The following DRAXIN variants were observed in gnomAD, a reference collection of about 807,000 sequenced individuals.
DRAXIN encodes the protein dorsal inhibitory axon guidance protein.
Under a neutral mutation model 33.9 loss-of-function variants are expected in DRAXIN, and 27 were observed. The ratio of observed to expected loss-of-function variants is 0.80; its 90% confidence interval spans 0.59 to 1.10. The LOEUF is 1.10. Among genes scored for constraint, DRAXIN ranks in the 50% least tolerant of loss-of-function variants. The pLI, the probability that DRAXIN is intolerant of heterozygous loss-of-function variation, is 0.00. For synonymous variants in DRAXIN, 178 were observed against 194.0 expected, an observed-to-expected ratio of 0.92 and a Z score of 0.69; for missense variants, 371 against 460.8, an observed-to-expected ratio of 0.81 and a Z score of 1.78.
At chr1:11,699,685 G>C (rs989055480) in intron 1 of DRAXIN, among the ~76,000 whole-genome samples, 1 of 152,070 alleles carries the variant, frequency 6.6e-6, no homozygotes, top group African/African-American at 2.4e-5. Flanking sequence ...CCAGCACTTT[G>C]GGAGGTCAAG....
In DRAXIN at chr1:11,709,372, C is replaced by A. The variant is rs1024019016; in HGVS notation, c.549C>A (p.Ser183Arg). The A allele has an allele frequency of 1.2e-6, 2 of 1,614,034 alleles. No individual in the cohort carries two copies. The highest frequency in any genetic ancestry group is 3.3e-5 in the Admixed American group (2 of 60,000). Residue 183 changes from serine (S) to arginine (R), a missense_variant, in exon 3 of 7, where the codon AGC (serine) becomes AGA (arginine). Physicochemically the swap from Ser to Arg is moderately radical, Grantham distance 110 (BLOSUM62 -1). Coordinates refer to ENST00000294485, the MANE Select transcript of DRAXIN (RefSeq NM_198545.4). ...CAGCCATGGAGGAATCCTCCACCAG[C>A]CTGGCGCCCACCATGTTCTTTCTCA... The part of the protein sequence containing the change: ...LDAAMEESST[S>R]LAPTMFFLTT...
intron 3 of DRAXIN, among the ~76,000 whole-genome samples, chr1:11,711,020 G>T (rs1296003366): frequency 6.6e-6 from 1 of 151,976 alleles, no homozygotes; most frequent in East Asian, 1.9e-4. Flanking sequence ...AGGTGCAGTG[G>T]GTGGCTCACG....
chr1:11,707,512 C>G lies in DRAXIN; in HGVS notation c.451+803C>G, dbSNP rs890310467. 1.3e-5 allele frequency among the ~76,000 whole-genome samples: 2 copies of G among 152,198 alleles called. 1 individual carries two copies. The highest frequency in any genetic ancestry group is 1.3e-4 in the Admixed American group (2 of 15,276). On this transcript the variant is annotated intron_variant, in intron 2 of 6. Transcript: ENST00000294485. ...GGAGACTGGTCCCATCCCATCTACC[C>G]TCAGTGTCGTTGCAGAGACTTGGTT...
In DRAXIN at chr1:11,706,531, AGAGGCTGAGGGGCTGCTGCCT is replaced by A. The variant is rs781676076; in HGVS notation, c.277_297del (p.Ala93_Glu99del). The A allele has an allele frequency of 1.9e-5, 31 of 1,611,900 alleles. No homozygotes were observed. The highest frequency in any genetic ancestry group is 2.3e-5 in the Non-Finnish European group (27 of 1,179,356). ...CCACCAGGCAGGCCTCCAGGCTGCC[AGAGGCTGAGGGGCTGCTGCCT>A]GAGCAGAGTCCTGCAGGCCTGCTGC... On this transcript the variant is annotated inframe_deletion, in exon 2 of 7. Transcript: ENST00000294485. The surrounding 1 kb of genome is among the most constrained non-coding windows in gnomAD (Gnocchi z 5.5).
At chr1:11,707,065 A>G (rs4845873) in intron 2 of DRAXIN, among the ~76,000 whole-genome samples, 114,077 of 152,072 alleles carry the variant, frequency 0.75, 43,822 homozygotes, top group African/African-American at 0.93. Context: ...GCCGGGCGCG[A>G]TGGTGGGCGC....
chr1:11,710,758 C>CAAAAA (rs1222886420), intron 3 of DRAXIN, among the ~76,000 whole-genome samples: 1 of 105,264 alleles, frequency 9.5e-6, no homozygotes, highest in Non-Finnish European at 2.0e-5. Context: ...ACTAAAAATA[C>CAAAAA]AAAAAAAAAA....
At chr1:11,712,546 A>C in intron 5 of DRAXIN, 117 bp downstream of exon 5, 1 of 961,716 alleles carries the variant, frequency 1.0e-6, no homozygotes, top group Non-Finnish European at 1.6e-6. Flanking sequence ...CATGGATGAT[A>C]AATAATAACA....
At chr1:11,688,626 CT>C (rs1641005153), upstream of DRAXIN, among the ~76,000 whole-genome samples, 1 of 152,128 alleles carries the variant, frequency 6.6e-6, no homozygotes, top group African/African-American at 2.4e-5. The surrounding 1 kb of genome is among the most constrained non-coding windows in gnomAD (Gnocchi z 4.6). Context: ...TGTCTCTGCT[CT>C]GCTCATGGTC....
rs1641348444 is a variant in DRAXIN, at chr1:11,704,463, C to T, written c.-10-1786C>T. ...TGAGTGACAGGCCTTTAAAATGGGC[C>T]CCTCCTCCCCCTGGGCTGCCTCAGG... On this transcript the variant is annotated intron_variant, in intron 1 of 6. Coordinates refer to ENST00000294485, the MANE Select transcript of DRAXIN (RefSeq NM_198545.4). The surrounding 1 kb of genome is among the most constrained non-coding windows in gnomAD (Gnocchi z 4.6). Among the ~76,000 whole-genome samples the T allele has an allele frequency of 6.6e-6, 1 of 152,202 alleles. No homozygotes were observed.
intron 3 of DRAXIN, among the ~76,000 whole-genome samples, chr1:11,711,439 G>A (rs76651564): frequency 0.01 from 1,562 of 152,310 alleles, 18 homozygotes; most frequent in Non-Finnish European, 0.016. Context: ...ATGGTGCCAC[G>A]GATTGCTGGT....
upstream of DRAXIN, among the ~76,000 whole-genome samples, chr1:11,689,888 A>G (rs774810727): frequency 2.0e-5 from 3 of 151,306 alleles, no homozygotes; most frequent in Middle Eastern, 3.4e-3. Flanking sequence ...ATGTCACCTC[A>G]CTCTGTTCCA....
chr1:11,707,167 C>G (rs1475660696), intron 2 of DRAXIN, among the ~76,000 whole-genome samples: 5 of 152,330 alleles, frequency 3.3e-5, no homozygotes, highest in Non-Finnish European at 2.9e-5. Flanking sequence ...CGCCACTGCA[C>G]TCCAGCCTGG....
In DRAXIN at chr1:11,706,154, A is replaced by G; in HGVS notation, c.-10-95A>G. The G allele has an allele frequency of 3.3e-6, 4 of 1,203,730 alleles. No individual in the cohort carries two copies. The highest frequency in any genetic ancestry group is 4.5e-6 in the Non-Finnish European group (4 of 882,748). 74.6% of individuals were successfully genotyped at this position (1,203,730 alleles called of 1,614,324 possible). A position where few individuals can be genotyped will look rare whatever the true frequency, so the allele number is the denominator to read the frequency against. On this transcript the variant is annotated intron_variant, in intron 1 of 6. Coordinates refer to ENST00000294485, the MANE Select transcript of DRAXIN (RefSeq NM_198545.4). The surrounding 1 kb of genome is among the most constrained non-coding windows in gnomAD (Gnocchi z 5.5). ...GTCACTGGGAGCAAAATGTCCCTCTATGGCTGTTGAGAAAAACTGGGCTTT... is the reference window on the plus strand; with the variant it reads ...GTCACTGGGAGCAAAATGTCCCTCTGTGGCTGTTGAGAAAAACTGGGCTTT...
chr1:11,718,017 A>AAAAAAAAAG (rs1557694214), intron 6 of DRAXIN, among the ~76,000 whole-genome samples: 4 of 139,978 alleles, frequency 2.9e-5, no homozygotes, highest in African/African-American at 5.2e-5. Context: ...AAAAAAAAAA[A>AAAAAAAAAG]GGGAGGCCCG....
rs990452192 is a variant in DRAXIN at position 11,725,595 on chromosome 1, A to G, written c.*5899A>G. On this transcript the variant is annotated 3_prime_UTR_variant, in exon 7 of 7. Coordinates refer to ENST00000294485, the MANE Select transcript of DRAXIN (RefSeq NM_198545.4). Reference sequence around the variant, plus strand: ...CTGTTTTGCGTAGCTAATTACCAGCAATGACAAACTCCCAGGCTCTGAGGC... The same window carrying G: ...CTGTTTTGCGTAGCTAATTACCAGCGATGACAAACTCCCAGGCTCTGAGGC... 1.3e-5 allele frequency: 2 copies of G among 152,230 alleles called. No individual in the cohort carries two copies. The highest frequency in any genetic ancestry group is 2.9e-5 in the Non-Finnish European group (2 of 68,052). 9.4% of individuals were successfully genotyped at this position (152,230 alleles called of 1,614,324 possible). A position where few individuals can be genotyped will look rare whatever the true frequency, so the allele number is the denominator to read the frequency against.
At chr1:11,717,810 CTG>C (rs1221633346) in intron 6 of DRAXIN, among the ~76,000 whole-genome samples, 13 of 132,374 alleles carry the variant, frequency 9.8e-5, no homozygotes, top group African/African-American at 3.6e-4. Context: ...TAGAGAGACA[CTG>C]TCTCTACCAA....
chr1:11,711,845 C>A lies in DRAXIN; in HGVS notation c.643-6C>A. On this transcript the variant is annotated splice_region_variant and splice_polypyrimidine_tract_variant and intron_variant, in intron 3 of 6. Transcript: ENST00000294485. ...TTCCAACATCCCCCTTCTCCACGGT[C>A]TCCAGCAGGCACAGCCCAGGTCTGA... 2 of 1,610,646 alleles carry A rather than the reference C, an allele frequency of 1.2e-6. No homozygotes were observed. The highest frequency in any genetic ancestry group is 2.2e-5 in the East Asian group (1 of 44,824).
In DRAXIN at chr1:11,705,618, C is replaced by T. The variant is rs1641366156; in HGVS notation, c.-10-631C>T. 6.6e-6 allele frequency among the ~76,000 whole-genome samples: 1 copy of T among 152,096 alleles called. No homozygotes were observed. The highest frequency in any genetic ancestry group is 1.5e-5 in the Non-Finnish European group (1 of 68,014). ...GCTCAGGGACAGGAATGACACAGTG[C>T]CACTTACTAGGTGTGACTTAACCTC... On this transcript the variant is annotated intron_variant, in intron 1 of 6. Coordinates refer to ENST00000294485, the MANE Select transcript of DRAXIN (RefSeq NM_198545.4). This position sits in a 1 kb window ranked among gnomAD's most constrained non-coding sequence, Gnocchi z 4.8.
chr1:11,725,495 G>C lies in DRAXIN; in HGVS notation c.*5799G>C, dbSNP rs1241969832. On this transcript the variant is annotated 3_prime_UTR_variant, in exon 7 of 7. Coordinates refer to ENST00000294485, the MANE Select transcript of DRAXIN (RefSeq NM_198545.4). ...GGTCTAGGATACGACGGGGAAAACA[G>C]AAATGTGGGGTGGTCAGGGACATTC... The C allele has an allele frequency of 6.6e-6, 1 of 152,236 alleles. No homozygotes were observed. Among genetic ancestry groups the C allele is most frequent in the African/African-American group, 2.4e-5 (1 of 41,454 alleles). The allele number at this position is 152,236 out of a possible 1,614,324, so 9.4% of individuals were successfully genotyped here. A position where few individuals can be genotyped will look rare whatever the true frequency, so the allele number is the denominator to read the frequency against.
Sources: gnomAD v4.1 joint callset for allele counts (sites outside exome capture counted in the v4.1 genomes callset) on GRCh38, gnomAD v4.1.1 for gene constraint, Gnocchi (gnomAD v3.1) non-coding constraint, MANE v1.5 for transcripts, NCBI Gene and HGNC (gene_info 2026-07-23, HGNC 2026-07-21) for gene names.